Variants in NT5DC1 observed in about 807,000 individuals in gnomAD.
NT5DC1 encodes 5'-nucleotidase domain-containing protein 1.
A neutral mutation model predicts 59.4 loss-of-function variants in NT5DC1; 42 were observed. That is an observed-to-expected ratio of 0.71 (90% CI 0.55 to 0.92). The LOEUF (loss-of-function observed/expected upper bound fraction) is 0.92, where lower values mean the gene tolerates loss of function less well. Ranked by LOEUF, NT5DC1 falls within the 40% of genes least tolerant of loss-of-function variation. The pLI, the probability that NT5DC1 is intolerant of heterozygous loss-of-function variation, is 0.00. For missense variants in NT5DC1, 501 were observed against 537.1 expected, an observed-to-expected ratio of 0.93 and a Z score of 0.66; for synonymous variants, 172 against 188.1, an observed-to-expected ratio of 0.91 and a Z score of 0.70.
chr6:116,120,972 G>A lies in NT5DC1; in HGVS notation c.529+3027G>A, dbSNP rs1247147548. ...TACCCTGGTTTTCCATCTGACCCAGGGGAACCCCTTTCACCCTTAGCCCCA... is the reference window on the plus strand; with the variant it reads ...TACCCTGGTTTTCCATCTGACCCAGAGGAACCCCTTTCACCCTTAGCCCCA... On this transcript the variant is annotated intron_variant, in intron 6 of 11. Coordinates refer to ENST00000319550, the MANE Select transcript of NT5DC1 (RefSeq NM_152729.3). 1.8e-5 allele frequency: 29 copies of A among 1,613,772 alleles called. No individual in the cohort carries two copies. The Admixed American group carries it at 3.3e-4, about 19-fold the overall frequency.
chr6:116,212,233 C>T (rs1431513868), intron 6 of NT5DC1, among the ~76,000 whole-genome samples: 8 of 151,890 alleles, frequency 5.3e-5, no homozygotes, highest in Non-Finnish European at 1.2e-4. Flanking sequence ...CATGGAGTAA[C>T]TAGCCAGGTG....
intron 6 of NT5DC1, among the ~76,000 whole-genome samples, chr6:116,198,303 G>A (rs1781277903): frequency 6.6e-6 from 1 of 152,012 alleles, no homozygotes; most frequent in South Asian, 2.1e-4. Flanking sequence ...CAGTCAATGT[G>A]GCCAGTAAAT....
At chr6:116,131,870 A>G (rs557651929) in intron 6 of NT5DC1, among the ~76,000 whole-genome samples, 13 of 152,002 alleles carry the variant, frequency 8.6e-5, no homozygotes, top group African/African-American at 1.9e-4. Flanking sequence ...GTTCCTCTCT[A>G]TGTGTCCATG....
intron 8 of NT5DC1, among the ~76,000 whole-genome samples, chr6:116,226,056 G>A (rs1048908208): frequency 6.6e-6 from 1 of 152,122 alleles, no homozygotes; most frequent in Non-Finnish European, 1.5e-5. Flanking sequence ...CCCTAGTCTA[G>A]TACAAAGAAA....
chr6:116,162,355 A>T (rs188877873), intron 6 of NT5DC1, among the ~76,000 whole-genome samples: 11 of 152,304 alleles, frequency 7.2e-5, no homozygotes, highest in Non-Finnish European at 1.3e-4. Context: ...GTCTTGGTCC[A>T]GTTCTTAAAG....
At chr6:116,213,099 C>A (rs1182558179) in intron 6 of NT5DC1, among the ~76,000 whole-genome samples, 1 of 152,078 alleles carries the variant, frequency 6.6e-6, no homozygotes, top group Non-Finnish European at 1.5e-5. Flanking sequence ...TTTAGATTAT[C>A]TATTGCTCCA....
chr6:116,237,133 G>A (rs1398371485), intron 9 of NT5DC1, 49 bp downstream of exon 9: 1 of 1,059,584 alleles, frequency 9.4e-7, no homozygotes. Flanking sequence ...GCAGACATAA[G>A]CAGTTGTGAA....
chr6:116,149,655 A>G (rs533598970), intron 6 of NT5DC1, among the ~76,000 whole-genome samples: 2 of 152,232 alleles, frequency 1.3e-5, no homozygotes, highest in South Asian at 4.1e-4. Context: ...TGCCTGGTGG[A>G]GACACTGAAT....
At chr6:116,163,147 T>TAA (rs1780382224) in intron 6 of NT5DC1, among the ~76,000 whole-genome samples, 1 of 86,602 alleles carries the variant, frequency 1.2e-5, no homozygotes, top group East Asian at 2.8e-4. Flanking sequence ...AAAAAATATA[T>TAA]ATATATATAT....
At chr6:116,227,347 C>T (rs548135494) in intron 8 of NT5DC1, among the ~76,000 whole-genome samples, 1 of 152,174 alleles carries the variant, frequency 6.6e-6, no homozygotes, top group African/African-American at 2.4e-5. Context: ...TGTATATATA[C>T]CATATTTTCT....
intron 6 of NT5DC1, among the ~76,000 whole-genome samples, chr6:116,130,206 G>T (rs1409884335): frequency 6.6e-6 from 1 of 152,136 alleles, no homozygotes; most frequent in Non-Finnish European, 1.5e-5. Context: ...TATAGAAAAA[G>T]CAGGAGAAAT....
At chr6:116,115,800 G>A (rs1290334062) in intron 5 of NT5DC1, 30 bp downstream of exon 5, 4 of 1,097,800 alleles carry the variant, frequency 3.6e-6, no homozygotes, top group Non-Finnish European at 5.6e-6. Context: ...TTAAAACTAT[G>A]ATATGTAGTC....
At chr6:116,126,250 A>G (rs922674487) in intron 6 of NT5DC1, 3 of 152,156 alleles carry the variant, frequency 2.0e-5, no homozygotes, top group Non-Finnish European at 2.9e-5. Context: ...GGAAAGTTCT[A>G]TTGGGTAGGC....
At chr6:116,147,460 A>T (rs1011671994) in intron 6 of NT5DC1, among the ~76,000 whole-genome samples, 2 of 151,934 alleles carry the variant, frequency 1.3e-5, no homozygotes, top group Admixed American at 1.3e-4. Flanking sequence ...AAAAAAAAAT[A>T]AAAAGATAAA....
chr6:116,202,167 T>C (rs1781362422), intron 6 of NT5DC1, among the ~76,000 whole-genome samples: 1 of 151,984 alleles, frequency 6.6e-6, no homozygotes, highest in African/African-American at 2.4e-5. Flanking sequence ...AGCACCAGTC[T>C]AGACAGTGTA....
Position 116,106,292 on chromosome 6 carries a change from G to C in NT5DC1, c.142G>C (p.Asp48His). 6.3e-7 allele frequency: 1 copy of C among 1,591,766 alleles called. No homozygotes were observed. The highest frequency in any genetic ancestry group is 8.6e-7 in the Non-Finnish European group (1 of 1,161,092). Reference sequence around the variant, plus strand: ...GTTCCTAGTTAAGGAGAAAGGGTACGATAAGGAATTGCTCAATGTGACCCC... The same window carrying C: ...GTTCCTAGTTAAGGAGAAAGGGTACCATAAGGAATTGCTCAATGTGACCCC... ...AQFLVKEKGY[D>H]KELLNVTPED... is the part of the protein sequence containing the mutation. Residue 48 changes from aspartate to histidine, a missense_variant, in exon 2 of 12, where the codon GAT (aspartate) becomes CAT (histidine). Asp to His is a moderately conservative substitution (Grantham distance 81, BLOSUM62 -1). Transcript: ENST00000319550.
chr6:116,237,325 G>C, intron 9 of NT5DC1: 3 of 611,954 alleles, frequency 4.9e-6, no homozygotes, highest in Non-Finnish European at 9.1e-6. Flanking sequence ...TATCCAAAAA[G>C]TTTCCATATA....
chr6:116,120,953 G>A, intron 6 of NT5DC1: 2 of 1,613,882 alleles, frequency 1.2e-6, no homozygotes, highest in Non-Finnish European at 1.7e-6. Flanking sequence ...TGGGTACCCT[G>A]GTTTTCCATC....
intron 6 of NT5DC1, among the ~76,000 whole-genome samples, chr6:116,219,352 GTTTATTTT>G (rs1781747472): frequency 1.3e-5 from 2 of 152,102 alleles, no homozygotes; most frequent in South Asian, 4.2e-4. Flanking sequence ...CCCTTTATAG[GTTTATTTT>G]TATCAGTGGT....
Sources: allele counts gnomAD v4.1 joint callset (sites outside exome capture counted in the v4.1 genomes callset), GRCh38; gene constraint gnomAD v4.1.1; transcripts MANE v1.5; gene names NCBI Gene and HGNC (gene_info 2026-07-23, HGNC 2026-07-21).